Variants in DLC1 observed in about 807,000 individuals in gnomAD.
DLC1 encodes the protein rho GTPase-activating protein 7.
DLC1 carries 54 observed loss-of-function variants against 140.3 expected under a neutral mutation model. The ratio of observed to expected loss-of-function variants is 0.38; its 90% CI spans 0.31 to 0.48. DLC1 has a LOEUF of 0.48. DLC1 is among the 20% of genes least tolerant of loss of function. DLC1 has a pLI of 0.96. For synonymous variants in DLC1, 986 were observed against 728.1 expected (o/e 1.35, Z -5.70); for missense variants, 2,536 against 1,907.0 (o/e 1.33, Z -6.14).
chr8:13,112,669 T>C (rs532343377), intron 6 of DLC1, among the ~76,000 whole-genome samples: 2 of 152,272 alleles, frequency 1.3e-5, no homozygotes, highest in South Asian at 2.1e-4. Flanking sequence ...GGTTGTAACA[T>C]TGTTTGAAGG....
intron 4 of DLC1, among the ~76,000 whole-genome samples, chr8:13,387,868 A>G (rs1393829939): frequency 6.6e-6 from 1 of 152,054 alleles, no homozygotes; most frequent in Non-Finnish European, 1.5e-5. Context: ...CGCATGTTCA[A>G]CACTGGGTTC....
intron 2 of DLC1, among the ~76,000 whole-genome samples, chr8:13,439,194 T>C (rs1417457067): frequency 6.6e-6 from 1 of 152,084 alleles, no homozygotes; most frequent in Non-Finnish European, 1.5e-5. Context: ...CGTGGTGGTG[T>C]GCACCTGTGG....
chr8:13,402,765 C>G (rs1254042545), intron 2 of DLC1, among the ~76,000 whole-genome samples: 3 of 152,186 alleles, frequency 2.0e-5, no homozygotes, highest in African/African-American at 7.2e-5. Context: ...TGAATCACAA[C>G]TTCATTTTTT....
chr8:13,584,824 C>G (rs1805243066), intron 1 of DLC1, among the ~76,000 whole-genome samples: 1 of 152,142 alleles, frequency 6.6e-6, no homozygotes, highest in South Asian at 2.1e-4. Context: ...TCTTCCTACC[C>G]AATCCTCCCT....
intron 5 of DLC1, among the ~76,000 whole-genome samples, chr8:13,295,089 A>G (rs187254097): frequency 9.3e-4 from 142 of 152,278 alleles, no homozygotes; most frequent in African/African-American, 3.2e-3. Flanking sequence ...TCAGTGGGGA[A>G]AATTTTGAGA....
chr8:13,376,136 A>G (rs563550454), intron 4 of DLC1, among the ~76,000 whole-genome samples: 33 of 152,332 alleles, frequency 2.2e-4, no homozygotes, highest in Admixed American at 2.0e-4. Flanking sequence ...TTTGGCCATG[A>G]GAAACTGATC....
chr8:13,352,409 G>T (rs893318320), intron 4 of DLC1, among the ~76,000 whole-genome samples: 1 of 151,932 alleles, frequency 6.6e-6, no homozygotes, highest in Non-Finnish European at 1.5e-5. Flanking sequence ...TTGAGACAGG[G>T]TCTTGCTCTG....
At chr8:13,224,201 TG>T (rs1293416561) in intron 5 of DLC1, among the ~76,000 whole-genome samples, 1 of 152,184 alleles carries the variant, frequency 6.6e-6, no homozygotes, top group African/African-American at 2.4e-5. Context: ...GAAATTCTTT[TG>T]GGAAAAAAGA....
intron 1 of DLC1, among the ~76,000 whole-genome samples, chr8:13,503,730 C>T (rs992275072): frequency 7.9e-5 from 12 of 152,192 alleles, no homozygotes; most frequent in Non-Finnish European, 1.5e-4. Context: ...CAGTGAGTGG[C>T]AGAAACTTGT....
rs376660880 is a variant in DLC1 at position 13,237,197 on chromosome 8, A to ATGTGTGTG, written c.1348+68064_1348+68071dup. On this transcript the variant is annotated intron_variant, in intron 5 of 17. Coordinates refer to ENST00000276297, the MANE Select transcript of DLC1 (RefSeq NM_182643.3). ...GGAGGATGTGTGTATATATATATAT[A>ATGTGTGTG]TGTGTGTGTGTGTGTGTGTGTGTGT... Among the ~76,000 whole-genome samples, 61 of 138,212 alleles carry ATGTGTGTG rather than the reference A, an allele frequency of 4.4e-4. 2 individuals are homozygous for ATGTGTGTG. The East Asian group carries it at 4.6e-3, about 10-fold the overall frequency. 90.7% of individuals were successfully genotyped at this position (138,212 alleles called of 152,430 possible).
chr8:13,094,945 T>G lies in DLC1; in HGVS notation c.3340A>C (p.Arg1114=). 3 of 1,614,202 alleles carry G rather than the reference T, an allele frequency of 1.9e-6. No homozygotes were observed. The highest frequency in any genetic ancestry group is 2.5e-6 in the Non-Finnish European group (3 of 1,180,028). The change falls in exon 12 of 18, where the codon AGA becomes CGA. Residue 1114 remains arginine (R), a synonymous_variant. Coordinates refer to ENST00000276297, the MANE Select transcript of DLC1 (RefSeq NM_182643.3). The stretch of plus-strand genomic sequence containing the variant: ...ATCCGGGACTTGACCCCCGATTTTC[T>G]GAAGAGCCCAACCTGTCGGAAGAGC... ...NHCLDQVGLF[R]KSGVKSRIQA...
intron 5 of DLC1, among the ~76,000 whole-genome samples, chr8:13,262,367 G>A (rs555777734): frequency 4.6e-5 from 7 of 151,984 alleles, no homozygotes; most frequent in African/African-American, 1.5e-4. Context: ...TGATAATCAC[G>A]TGATCCTAAG....
At chr8:13,150,330 A>G (rs1460044196) in intron 5 of DLC1, among the ~76,000 whole-genome samples, 1 of 151,934 alleles carries the variant, frequency 6.6e-6, no homozygotes, top group Non-Finnish European at 1.5e-5. Context: ...TTCAAGGTGT[A>G]TTTTTTTTCT....
At chr8:13,387,221 C>T (rs941548986) in intron 4 of DLC1, among the ~76,000 whole-genome samples, 5 of 151,834 alleles carry the variant, frequency 3.3e-5, no homozygotes, top group African/African-American at 9.7e-5. Flanking sequence ...TATATATTAC[C>T]TTGAATTCTT....
At chr8:13,408,265 G>T (rs907144377) in intron 2 of DLC1, among the ~76,000 whole-genome samples, 1 of 152,174 alleles carries the variant, frequency 6.6e-6, no homozygotes, top group African/African-American at 2.4e-5. Flanking sequence ...AGGTCATGAT[G>T]ATGGATAGAT....
At chr8:13,448,773 A>G (rs1394020521) in intron 2 of DLC1, among the ~76,000 whole-genome samples, 3 of 152,114 alleles carry the variant, frequency 2.0e-5, no homozygotes, top group Non-Finnish European at 2.9e-5. Flanking sequence ...TTCAGAAAGA[A>G]TCTTTTAGAA....
intron 4 of DLC1, among the ~76,000 whole-genome samples, chr8:13,306,277 T>C (rs1832423458): frequency 6.6e-6 from 1 of 152,194 alleles, no homozygotes; most frequent in African/African-American, 2.4e-5. Flanking sequence ...ATGAGATCTT[T>C]CCAAGAACTT....
rs181899331 is a variant in DLC1, at chr8:13,397,710, C to T, written c.1173+3760G>A. ...AATTAGCCAGGCATGGTAATGTGCG[C>T]TTGTATTCTCAGCAACTCAGGAGGC... On this transcript the variant is annotated intron_variant, in intron 3 of 17. Transcript: ENST00000276297. Among the ~76,000 whole-genome samples the T allele has an allele frequency of 4.2e-4, 64 of 151,948 alleles. 1 individual carries two copies. Among genetic ancestry groups the T allele is most frequent in the African/African-American group, 1.5e-3 (64 of 41,470 alleles).
intron 1 of DLC1, among the ~76,000 whole-genome samples, chr8:13,520,401 C>A (rs1239561049): frequency 6.6e-6 from 1 of 152,070 alleles, no homozygotes; most frequent in Admixed American, 6.5e-5. Flanking sequence ...CATGTTCTCA[C>A]CCATAAGTGG....
Sources: allele counts gnomAD v4.1 joint callset (sites outside exome capture counted in the v4.1 genomes callset), GRCh38; gene constraint gnomAD v4.1.1; transcripts MANE v1.5; gene names NCBI Gene and HGNC (gene_info 2026-07-23, HGNC 2026-07-21).